Variants in KLHL20 observed in about 807,000 individuals in gnomAD.
KLHL20 encodes kelch like family member 20.
A neutral mutation model predicts 69.5 loss-of-function variants in KLHL20; 29 were observed. The observed-to-expected ratio is 0.42, with a 90% confidence interval of 0.31 to 0.57. The LOEUF (loss-of-function observed/expected upper bound fraction) is 0.57, where lower values mean the gene tolerates loss of function less well. KLHL20 is among the 20% of genes least tolerant of loss of function. The pLI, the probability that KLHL20 is intolerant of heterozygous loss-of-function variation, is 0.18. For synonymous variants in KLHL20, 253 were observed against 265.2 expected (o/e 0.95, Z 0.45); for missense variants, 419 against 776.0 (o/e 0.54, Z 5.47).
At chr1:173,746,904 T>C (rs1366078095) in intron 3 of KLHL20, among the ~76,000 whole-genome samples, 1 of 151,188 alleles carries the variant, frequency 6.6e-6, no homozygotes, top group Non-Finnish European at 1.5e-5. Flanking sequence ...ATTTAATTGA[T>C]TCTAGTCTTT....
intron 11 of KLHL20, among the ~76,000 whole-genome samples, chr1:173,782,703 C>T (rs1648955888): frequency 6.6e-6 from 1 of 152,098 alleles, no homozygotes; most frequent in South Asian, 2.1e-4. Flanking sequence ...TTTTTAAAGC[C>T]ATTTTAACTT....
intron 8 of KLHL20, among the ~76,000 whole-genome samples, chr1:173,768,074 G>A (rs1224756954): frequency 1.3e-5 from 2 of 152,078 alleles, no homozygotes; most frequent in Admixed American, 1.3e-4. Flanking sequence ...TCTACCTGGA[G>A]TGTACTTAAT....
chr1:173,763,089 A>G (rs932332308), intron 7 of KLHL20, among the ~76,000 whole-genome samples: 9 of 152,190 alleles, frequency 5.9e-5, no homozygotes, highest in African/African-American at 2.2e-4. Context: ...ACAGCAACCA[A>G]GCGGAGAATC....
At chr1:173,763,542 T>A (rs1028053855) in intron 7 of KLHL20, among the ~76,000 whole-genome samples, 2 of 152,086 alleles carry the variant, frequency 1.3e-5, no homozygotes, top group African/African-American at 4.8e-5. Context: ...AACAGGCACA[T>A]AGACCAATGG....
intron 10 of KLHL20, among the ~76,000 whole-genome samples, chr1:173,778,212 C>A (rs773913445): frequency 6.6e-6 from 1 of 152,136 alleles, no homozygotes; most frequent in Non-Finnish European, 1.5e-5. Context: ...CTAACGCTAT[C>A]ACTCCCTCAG....
rs568082784 is a variant in KLHL20 at position 173,747,616 on chromosome 1, A to G, written c.598-4148A>G. Reference sequence around the variant, plus strand: ...GCAGATTTGAAATCCTTTCCTTTAAATAGGCAATTTAAGCCCATTTGCATT... The same window carrying G: ...GCAGATTTGAAATCCTTTCCTTTAAGTAGGCAATTTAAGCCCATTTGCATT... On this transcript the variant is annotated intron_variant, in intron 3 of 11. Coordinates refer to ENST00000209884, the MANE Select transcript of KLHL20 (RefSeq NM_014458.4). 3.9e-5 allele frequency among the ~76,000 whole-genome samples: 6 copies of G among 152,164 alleles called. No individual in the cohort carries two copies. In the East Asian group the frequency reaches 9.6e-4, roughly 24 times the overall value.
intron 2 of KLHL20, among the ~76,000 whole-genome samples, chr1:173,730,041 G>T (rs1253289173): frequency 6.6e-6 from 1 of 152,150 alleles, no homozygotes. Context: ...CAAAATCAGT[G>T]TGCAAAAATC....
chr1:173,716,063 G>A lies in KLHL20; in HGVS notation c.20G>A (p.Arg7His). Residue 7 changes from arginine (R) to histidine (H), a missense_variant, in exon 2 of 12, where the codon CGC becomes CAC. This residue lies in a region of KLHL20 where 129 missense variants were observed against 183.6 expected (regional missense o/e 0.70). Transcript: ENST00000209884. MEGKPM[R>H]RCTNIRPGET... is the part of the protein sequence containing the mutation. Reference sequence around the variant, plus strand: ...TGGTGCATGGAAGGAAAGCCAATGCGCAGGTAGGCATTTAGGAAGAAAACC... The same window carrying A: ...TGGTGCATGGAAGGAAAGCCAATGCACAGGTAGGCATTTAGGAAGAAAACC... The A allele has an allele frequency of 6.2e-7, 1 of 1,613,522 alleles. No individual in the cohort carries two copies.
chr1:173,715,394 G>T (rs548565128), intron 1 of KLHL20: 1 of 152,544 alleles, frequency 6.6e-6, no homozygotes, highest in Non-Finnish European at 1.5e-5. Context: ...GAAAGTACGT[G>T]CGCCCCCATT....
intron 8 of KLHL20, among the ~76,000 whole-genome samples, chr1:173,770,689 AAAAG>A (rs1310782937): frequency 6.6e-6 from 1 of 151,884 alleles, no homozygotes; most frequent in Non-Finnish European, 1.5e-5. Flanking sequence ...TCAAAAAAAA[AAAAG>A]AGAGAGGAAA....
At chr1:173,743,173 C>T (rs758016414) in intron 3 of KLHL20, among the ~76,000 whole-genome samples, 4 of 149,512 alleles carry the variant, frequency 2.7e-5, no homozygotes, top group Non-Finnish European at 5.9e-5. Context: ...GGATGCTCAA[C>T]CTCACCTATA....
intron 7 of KLHL20, among the ~76,000 whole-genome samples, chr1:173,759,721 C>A (rs749295758): frequency 6.6e-6 from 1 of 152,176 alleles, no homozygotes; most frequent in African/African-American, 2.4e-5. Context: ...AGAATCTGAA[C>A]GATAGCCTTC....
intron 8 of KLHL20, among the ~76,000 whole-genome samples, chr1:173,770,742 A>ACC (rs1648040755): frequency 1.3e-5 from 2 of 152,128 alleles, no homozygotes; most frequent in Non-Finnish European, 2.9e-5. Flanking sequence ...ATAGTAACAA[A>ACC]TATTGAAAAT....
intron 2 of KLHL20, among the ~76,000 whole-genome samples, chr1:173,722,554 C>G (rs553413510): frequency 1.3e-5 from 2 of 152,088 alleles, no homozygotes; most frequent in Admixed American, 6.5e-5. Flanking sequence ...GAGTTTGAGG[C>G]TGCAGTGAGC....
intron 11 of KLHL20, 49 bp downstream of exon 11, chr1:173,782,279 CAT>C: frequency 1.4e-6 from 2 of 1,390,264 alleles, no homozygotes; most frequent in Non-Finnish European, 2.0e-6. Flanking sequence ...ATTTGGAAAT[CAT>C]GGGCTTGAAA....
At chr1:173,723,110 G>A (rs1671792421) in intron 2 of KLHL20, among the ~76,000 whole-genome samples, 1 of 152,192 alleles carries the variant, frequency 6.6e-6, no homozygotes, top group South Asian at 2.1e-4. Flanking sequence ...ATGTAACTAA[G>A]GTTGTGACAA....
intron 11 of KLHL20, among the ~76,000 whole-genome samples, chr1:173,784,401 G>A (rs1385689359): frequency 6.6e-6 from 1 of 152,154 alleles, no homozygotes; most frequent in Non-Finnish European, 1.5e-5. Context: ...AATTTCTGAA[G>A]ACAGCCAAAT....
chr1:173,741,518 A>C (rs967009464), intron 3 of KLHL20, among the ~76,000 whole-genome samples: 11 of 152,260 alleles, frequency 7.2e-5, no homozygotes, highest in African/African-American at 2.7e-4. Context: ...CAGAAAAGAC[A>C]GAAGATAAAA....
chr1:173,777,861 A>G (rs1345837429), intron 10 of KLHL20, among the ~76,000 whole-genome samples: 1 of 152,014 alleles, frequency 6.6e-6, no homozygotes, highest in African/African-American at 2.4e-5. Flanking sequence ...AGGATATTGG[A>G]CTGTAGCTTT....
Sources: allele counts gnomAD v4.1 joint callset (sites outside exome capture counted in the v4.1 genomes callset), GRCh38; gene constraint gnomAD v4.1.1; regional missense constraint gnomAD v4.1.1; transcripts MANE v1.5; gene names NCBI Gene and HGNC (gene_info 2026-07-23, HGNC 2026-07-21).